LRBA: variants seen among roughly 807,000 people sequenced by gnomAD.
LRBA encodes the protein lipopolysaccharide-responsive and beige-like anchor protein.
In LRBA, 176 loss-of-function variants were observed where a neutral mutation model predicts 330.0. The observed-to-expected ratio is 0.53, with a 90% CI of 0.47 to 0.60. LRBA has a LOEUF of 0.60. LRBA is among the 20% of genes least tolerant of loss of function. The probability of loss-of-function intolerance (pLI) is 0.00; values close to 1 mark genes in which losing one functional copy is unlikely to be tolerated. For missense variants in LRBA, 3,259 were observed against 3,444.8 expected (o/e 0.95, Z 1.35); for synonymous variants, 1,230 against 1,193.0 (o/e 1.03, Z -0.64).
At chr4:150,678,205 C>T (rs570739123) in intron 37 of LRBA, among the ~76,000 whole-genome samples, 24 of 150,450 alleles carry the variant, frequency 1.6e-4, no homozygotes, top group African/African-American at 5.1e-4. Flanking sequence ...CCTGCCACTG[C>T]ACTCCGGCCT....
intron 13 of LRBA, among the ~76,000 whole-genome samples, chr4:150,904,966 G>C (rs966454220): frequency 1.3e-5 from 2 of 152,022 alleles, no homozygotes; most frequent in Non-Finnish European, 2.9e-5. Context: ...AGGGGAGAGA[G>C]GAAAACTGGG....
At chr4:150,885,391 T>C (rs1209608527) in intron 17 of LRBA, among the ~76,000 whole-genome samples, 1 of 151,994 alleles carries the variant, frequency 6.6e-6, no homozygotes, top group Admixed American at 6.6e-5. Flanking sequence ...TAGGCTGAGA[T>C]GGGCGGGTAA....
At chr4:150,933,118 T>C (rs1579246153) in intron 2 of LRBA, among the ~76,000 whole-genome samples, 4 of 152,242 alleles carry the variant, frequency 2.6e-5, no homozygotes, top group Admixed American at 2.6e-4. Flanking sequence ...CCTGGCATGA[T>C]GGATCACTCC....
At chr4:150,315,176 C>A in intron 51 of LRBA, 1 of 272,526 alleles carries the variant, frequency 3.7e-6, no homozygotes, top group Non-Finnish European at 7.0e-6. Flanking sequence ...GAAAATTTTC[C>A]TAGCAAAGGA....
intron 30 of LRBA, among the ~76,000 whole-genome samples, chr4:150,820,478 T>G (rs13144525): frequency 0.029 from 4,414 of 152,076 alleles, 80 homozygotes; most frequent in Non-Finnish European, 0.045. Flanking sequence ...ACATATAAAA[T>G]TATTTATATA....
At chr4:150,505,031 C>T (rs1760858084) in intron 40 of LRBA, among the ~76,000 whole-genome samples, 1 of 152,150 alleles carries the variant, frequency 6.6e-6, no homozygotes, top group South Asian at 2.1e-4. Flanking sequence ...GCTAACTATC[C>T]TAAATATATA....
At chr4:150,546,139 C>T (rs1050660986) in intron 40 of LRBA, among the ~76,000 whole-genome samples, 3 of 152,056 alleles carry the variant, frequency 2.0e-5, no homozygotes, top group Non-Finnish European at 2.9e-5. Context: ...TGCGATATTA[C>T]GACTTTGAAC....
intron 37 of LRBA, among the ~76,000 whole-genome samples, chr4:150,639,360 T>TAAAAAAAAAAAGAAA (rs1778270713): frequency 2.8e-5 from 3 of 106,692 alleles, no homozygotes; most frequent in African/African-American, 1.1e-4. Flanking sequence ...TAAAGTATAA[T>TAAAAAAAAAAAGAAA]AAAAAAAAAA....
At chr4:150,949,962 C>T (rs189122272) in intron 2 of LRBA, among the ~76,000 whole-genome samples, 3 of 152,200 alleles carry the variant, frequency 2.0e-5, no homozygotes, top group African/African-American at 7.2e-5. Context: ...ACTATATATC[C>T]TACTGACTCA....
chr4:150,718,216 C>T (rs1728481209), intron 36 of LRBA, among the ~76,000 whole-genome samples: 1 of 151,996 alleles, frequency 6.6e-6, no homozygotes, highest in East Asian at 1.9e-4. Flanking sequence ...AAGGATATCC[C>T]ACTCCAATGA....
At chr4:150,278,575 T>G (rs563126021) in intron 55 of LRBA, among the ~76,000 whole-genome samples, 19 of 152,306 alleles carry the variant, frequency 1.2e-4, no homozygotes, top group African/African-American at 4.6e-4. Context: ...GGGCTGACAG[T>G]GCTCCAGCCT....
intron 56 of LRBA, among the ~76,000 whole-genome samples, chr4:150,274,007 T>G (rs1045144385): frequency 6.6e-6 from 1 of 152,218 alleles, no homozygotes; most frequent in Non-Finnish European, 1.5e-5. Flanking sequence ...AGAATATTCA[T>G]TCTTCTCAGC....
intron 2 of LRBA, among the ~76,000 whole-genome samples, chr4:150,975,876 T>C (rs1018818827): frequency 6.7e-6 from 1 of 150,146 alleles, no homozygotes; most frequent in Non-Finnish European, 1.5e-5. Flanking sequence ...AAAAGGAGAG[T>C]AGAGGCCGGG....
intron 40 of LRBA, among the ~76,000 whole-genome samples, chr4:150,551,004 G>A (rs1049124255): frequency 1.3e-5 from 2 of 152,108 alleles, no homozygotes; most frequent in Admixed American, 1.3e-4. Context: ...TGAGAGGTGG[G>A]GCCTTTGGGA....
intron 11 of LRBA, among the ~76,000 whole-genome samples, chr4:150,907,232 GGGGAGGGAGAGGGAGAGGGGA>G (rs1384979521): frequency 1.9e-5 from 2 of 107,390 alleles, no homozygotes; most frequent in Non-Finnish European, 3.9e-5. Flanking sequence ...CGGGGGGAGG[GGGGAGGGAGAGGGAGAGGGGA>G]GGGAGGGAAG....
chr4:150,953,073 T>C (rs1460809959), intron 2 of LRBA, among the ~76,000 whole-genome samples: 1 of 152,196 alleles, frequency 6.6e-6, no homozygotes, highest in Non-Finnish European at 1.5e-5. Flanking sequence ...TGATAAACTC[T>C]CTTCAACTGG....
intron 37 of LRBA, among the ~76,000 whole-genome samples, chr4:150,615,813 T>A (rs1422167508): frequency 6.6e-6 from 1 of 151,912 alleles, no homozygotes; most frequent in Non-Finnish European, 1.5e-5. Context: ...TATGACTGAG[T>A]TGTAGCCAGT....
intron 56 of LRBA, among the ~76,000 whole-genome samples, chr4:150,277,473 C>T (rs555914180): frequency 2.0e-5 from 3 of 151,992 alleles, no homozygotes; most frequent in Non-Finnish European, 4.4e-5. Flanking sequence ...GTAATCAGAG[C>T]CTTTGCTACT....
At chr4:150,637,928 G>C (rs1778084002) in intron 37 of LRBA, among the ~76,000 whole-genome samples, 1 of 152,014 alleles carries the variant, frequency 6.6e-6, no homozygotes, top group East Asian at 1.9e-4. Flanking sequence ...CAGCTCTTCT[G>C]GGACCTTTGT....
Sources: allele counts gnomAD v4.1 joint callset (sites outside exome capture counted in the v4.1 genomes callset), GRCh38; gene constraint gnomAD v4.1.1; transcripts MANE v1.5; gene names NCBI Gene and HGNC (gene_info 2026-07-23, HGNC 2026-07-21).